The following FRMPD3 variants were observed in gnomAD, a reference collection of about 807,000 sequenced individuals.
FRMPD3 encodes the protein FERM and PDZ domain containing 3.
Under a neutral mutation model 97.9 loss-of-function variants are expected in FRMPD3, and 42 were observed. The ratio of observed to expected loss-of-function variants is 0.43; its 90% CI spans 0.34 to 0.55. The LOEUF is 0.55. Ranked by LOEUF, FRMPD3 falls within the 20% of genes least tolerant of loss-of-function variation. The pLI, the probability that FRMPD3 is intolerant of heterozygous loss-of-function variation, is 0.03. For synonymous variants in FRMPD3, 577 were observed against 581.1 expected, an observed-to-expected ratio of 0.99 and a Z score of 0.10; for missense variants, 1,303 against 1,457.7, an observed-to-expected ratio of 0.89 and a Z score of 1.73.
intron 13 of FRMPD3, among the ~76,000 whole-genome samples, chrX:107,591,540 T>G (rs776229745): frequency 8.9e-6 from 1 of 112,570 alleles, no homozygotes; most frequent in Non-Finnish European, 1.9e-5. Context: ...TTATAATCAA[T>G]TCCATATCTG....
At chrX:107,564,501 C>T (rs1025336958) in intron 11 of FRMPD3, among the ~76,000 whole-genome samples, 7 of 112,153 alleles carry the variant, frequency 6.2e-5, no homozygotes, top group African/African-American at 2.3e-4. Context: ...AGGCAGAGCA[C>T]TGGGTGGGGG....
At chrX:107,568,356 C>T (rs1922699865) in intron 12 of FRMPD3, among the ~76,000 whole-genome samples, 1 of 94,479 alleles carries the variant, frequency 1.1e-5, no homozygotes, top group African/African-American at 3.9e-5. Context: ...AGGTATATCT[C>T]CTAATGCTAT....
At chrX:107,475,924 G>A (rs965629609) in intron 1 of FRMPD3, among the ~76,000 whole-genome samples, 13 of 111,866 alleles carry the variant, frequency 1.2e-4, no homozygotes, top group African/African-American at 3.3e-4. Context: ...TTGCTTTGTC[G>A]CCAGGCTGGA....
chrX:107,491,203 TGTC>T (rs1280983035), intron 1 of FRMPD3, among the ~76,000 whole-genome samples: 13 of 112,144 alleles, frequency 1.2e-4, no homozygotes, highest in Non-Finnish European at 1.9e-4. Context: ...TCATCACTGT[TGTC>T]GTGCTTGTTG....
intron 13 of FRMPD3, among the ~76,000 whole-genome samples, chrX:107,591,395 G>T (rs957047176): frequency 9.0e-6 from 1 of 111,660 alleles, no homozygotes; most frequent in Non-Finnish European, 1.9e-5. Flanking sequence ...GATCTCAAGT[G>T]ATCCACCTAC....
chrX:107,473,450 A>G (rs988837089), intron 1 of FRMPD3, among the ~76,000 whole-genome samples: 1 of 111,638 alleles, frequency 9.0e-6, no homozygotes, highest in Non-Finnish European at 1.9e-5. Flanking sequence ...TCCTTTTTCT[A>G]TTCTACCCCA....
In FRMPD3 at chrX:107,564,909, C is replaced by T. The variant is rs772636612; in HGVS notation, c.1139C>T (p.Thr380Met). ...CAGGATGAGAAGCAGTCGGCCACCA[C>T]GCTCCTGGTGGGACCCCGTCATGGC... ...VGLDEKQSAT[T>M]LLVGPRHGIS... The change falls in exon 12 of 15, where the codon ACG (threonine) becomes ATG (methionine). Residue 380 changes from threonine (T) to methionine (M), a missense_variant. Transcript: ENST00000683843. The T allele has an allele frequency of 5.0e-6, 6 of 1,208,792 alleles. No individual in the cohort carries two copies. Among genetic ancestry groups the T allele is most frequent in the Admixed American group, 4.4e-5 (2 of 45,810 alleles).
Position 107,600,977 on chromosome X carries a change from C to A in FRMPD3, c.2938C>A (p.Pro980Thr). 1 of 1,208,338 alleles carries A rather than the reference C, an allele frequency of 8.3e-7. No individual in the cohort carries two copies. The highest frequency in any genetic ancestry group is 1.7e-5 in the African/African-American group (1 of 57,819). Residue 980 changes from proline to threonine, a missense_variant, in exon 15 of 15, where the codon CCC (proline) becomes ACC (threonine). By Grantham distance (38) the Pro-to-Thr change is conservative. This residue lies in a region of FRMPD3 where 764 missense variants were observed against 820.2 expected (regional missense o/e 0.93). Transcript: ENST00000683843. The part of the protein sequence containing the change: ...VTAGGALGNP[P>T]SRGERRLEAS... ...TGCTGGTGGGGCTTTGGGGAACCCC[C>A]CCAGCAGGGGTGAGAGAAGGCTGGA...
At chrX:107,470,147 A>G (rs1385659894) in intron 1 of FRMPD3, among the ~76,000 whole-genome samples, 1 of 112,777 alleles carries the variant, frequency 8.9e-6, no homozygotes, top group Non-Finnish European at 1.9e-5. Context: ...GGGATAAAGC[A>G]GAGCTTTGAG....
rs773778536 is a variant in FRMPD3, at chrX:107,601,416, G to A, written c.3377G>A (p.Arg1126Gln). 6.7e-6 allele frequency: 8 copies of A among 1,191,210 alleles called. No homozygotes were observed. Among genetic ancestry groups the A allele is most frequent in the Middle Eastern group, 2.3e-4 (1 of 4,325 alleles). ...CTCGAAGAGACCAGCCTGGTTCCCC[G>A]AGCTACCTACCCCATGGCTCTGCAG... ...SKLEETSLVP[R>Q]ATYPMALQSP... Residue 1126 changes from arginine to glutamine, a missense_variant, in exon 15 of 15, where the codon CGA becomes CAA. Around this residue, in one of 3 missense-constraint regions of FRMPD3, gnomAD observed 764 missense variants for 820.2 expected, o/e 0.93. Coordinates refer to ENST00000683843, the MANE Select transcript of FRMPD3 (RefSeq NM_001388459.1).
chrX:107,496,944 T>C (rs917869954), intron 1 of FRMPD3, among the ~76,000 whole-genome samples: 4 of 111,837 alleles, frequency 3.6e-5, no homozygotes, highest in African/African-American at 1.3e-4. Context: ...TACCAGGGAG[T>C]TCAGCGAGCC....
chrX:107,544,283 CA>C (rs1393933912), intron 4 of FRMPD3, among the ~76,000 whole-genome samples: 3 of 111,189 alleles, frequency 2.7e-5, no homozygotes, highest in African/African-American at 9.8e-5. Flanking sequence ...TACAAAGGCT[CA>C]GTTAGACAGG....
chrX:107,479,294 C>T (rs1921278820), intron 1 of FRMPD3, among the ~76,000 whole-genome samples: 2 of 112,013 alleles, frequency 1.8e-5, no homozygotes, highest in Non-Finnish European at 3.8e-5. Context: ...CTGGCCACAT[C>T]AACTGCTCTG....
At chrX:107,505,758 A>T (rs774331043) in intron 1 of FRMPD3, among the ~76,000 whole-genome samples, 1 of 112,640 alleles carries the variant, frequency 8.9e-6, no homozygotes, top group Non-Finnish European at 1.9e-5. Context: ...CACAAATGCC[A>T]TTGCCAAGGC....
chrX:107,569,294 C>CAAAA (rs752263727), intron 12 of FRMPD3, among the ~76,000 whole-genome samples: 1 of 21,242 alleles, frequency 4.7e-5, no homozygotes, highest in Non-Finnish European at 1.1e-4. Flanking sequence ...GACTCCATCT[C>CAAAA]AAAAAAAAAA....
At chrX:107,539,240 T>C (rs765123541) in intron 4 of FRMPD3, among the ~76,000 whole-genome samples, 4 of 111,375 alleles carry the variant, frequency 3.6e-5, no homozygotes, top group South Asian at 3.8e-4. Flanking sequence ...TGGCAGACAA[T>C]TGGGGAGAGG....
chrX:107,450,343 G>A (rs923619840), intron 1 of FRMPD3, among the ~76,000 whole-genome samples: 1 of 111,521 alleles, frequency 9.0e-6, no homozygotes, highest in Non-Finnish European at 1.9e-5. Flanking sequence ...GGCACAGTTG[G>A]GAGAGCTGGC....
chrX:107,553,558 AC>A (rs1224805089), intron 7 of FRMPD3, among the ~76,000 whole-genome samples: 2 of 110,974 alleles, frequency 1.8e-5, no homozygotes, highest in African/African-American at 3.3e-5. Context: ...AATCAGTACT[AC>A]CAAGTAGGGT....
chrX:107,453,438 GCA>G (rs1931324712), intron 1 of FRMPD3, among the ~76,000 whole-genome samples: 1 of 109,899 alleles, frequency 9.1e-6, no homozygotes. Flanking sequence ...CTGGGAGGAA[GCA>G]CACTCAAGTC....
Sources: allele counts gnomAD v4.1 joint callset (sites outside exome capture counted in the v4.1 genomes callset), GRCh38; gene constraint gnomAD v4.1.1; regional missense constraint gnomAD v4.1.1; transcripts MANE v1.5; gene names NCBI Gene and HGNC (gene_info 2026-07-23, HGNC 2026-07-21).